WDPCP: variants seen among roughly 807,000 people sequenced by gnomAD.
WDPCP encodes the protein WD repeat-containing and planar cell polarity effector protein fritz homolog.
Under a neutral mutation model 93.1 loss-of-function variants are expected in WDPCP, and 71 were observed. The ratio of observed to expected loss-of-function variants is 0.76; its 90% CI spans 0.63 to 0.93. The LOEUF (loss-of-function observed/expected upper bound fraction) is 0.93. Among genes scored for constraint, WDPCP ranks in the 40% least tolerant of loss-of-function variants. The pLI is 0.00. For synonymous variants in WDPCP, 315 were observed against 315.0 expected (o/e 1.00, Z 0.00); for missense variants, 844 against 887.4 (o/e 0.95, Z 0.62).
At chr2:63,795,639 G>C (rs946908748) in intron 2 of WDPCP, among the ~76,000 whole-genome samples, 2 of 152,018 alleles carry the variant, frequency 1.3e-5, no homozygotes, top group Non-Finnish European at 1.5e-5. Context: ...AAAAACACTG[G>C]TGTGTACTGG....
chr2:63,369,090 T>C (rs1029491793), intron 12 of WDPCP: 2 of 197,460 alleles, frequency 1.0e-5, no homozygotes, highest in African/African-American at 4.6e-5. Context: ...CACTACATAG[T>C]AGAAAAAAAA....
At chr2:63,748,318 A>C (rs1282300240) in intron 2 of WDPCP, among the ~76,000 whole-genome samples, 1 of 151,878 alleles carries the variant, frequency 6.6e-6, no homozygotes, top group Non-Finnish European at 1.5e-5. Context: ...TTTGTTCCTA[A>C]TCTTAGATAA....
At chr2:63,383,142 A>C (rs939167680) in intron 10 of WDPCP, among the ~76,000 whole-genome samples, 2 of 152,134 alleles carry the variant, frequency 1.3e-5, no homozygotes, top group Non-Finnish European at 2.9e-5. Context: ...AAAATCTTAA[A>C]AGGCAACCAC....
intron 2 of WDPCP, among the ~76,000 whole-genome samples, chr2:63,672,040 T>C (rs778018471): frequency 1.1e-4 from 17 of 152,176 alleles, no homozygotes; most frequent in Non-Finnish European, 2.4e-4. Context: ...CAAATTCCAC[T>C]AGAAAGAAGT....
At chr2:63,630,329 A>C (rs1044798174) in intron 3 of WDPCP, among the ~76,000 whole-genome samples, 5 of 152,230 alleles carry the variant, frequency 3.3e-5, no homozygotes, top group Admixed American at 3.3e-4. Flanking sequence ...GCATCAGTTA[A>C]AAGACAGATT....
At chr2:63,531,067 C>A (rs186208510) in intron 1 of WDPCP, among the ~76,000 whole-genome samples, 1 of 152,256 alleles carries the variant, frequency 6.6e-6, no homozygotes, top group East Asian at 1.9e-4. Context: ...CCAGGTCCCA[C>A]GCCCACGGCG....
intron 2 of WDPCP, among the ~76,000 whole-genome samples, chr2:63,736,734 G>A (rs111680616): frequency 0.017 from 2,584 of 152,110 alleles, 24 homozygotes; most frequent in African/African-American, 0.019. Context: ...GTTTGATTTT[G>A]TAGGGATGTT....
chr2:63,383,235 AAACAAT>A (rs1692462225), intron 10 of WDPCP, among the ~76,000 whole-genome samples: 1 of 152,186 alleles, frequency 6.6e-6, no homozygotes, highest in African/African-American at 2.4e-5. Flanking sequence ...GTAATCCAGA[AAACAAT>A]AACAAGACAT....
intron 14 of WDPCP, among the ~76,000 whole-genome samples, chr2:63,193,835 T>C (rs1675219787): frequency 6.6e-6 from 1 of 152,332 alleles, no homozygotes; most frequent in Middle Eastern, 3.4e-3. Context: ...CCCAGGTTTA[T>C]TCATAAGGAA....
chr2:63,748,823 A>G (rs1025296582), intron 2 of WDPCP, among the ~76,000 whole-genome samples: 2 of 152,016 alleles, frequency 1.3e-5, no homozygotes, highest in Admixed American at 1.3e-4. Flanking sequence ...CATTTTACTT[A>G]GAGTTTCATT....
chr2:63,175,791 G>A (rs1013899045), intron 14 of WDPCP, among the ~76,000 whole-genome samples: 9 of 152,156 alleles, frequency 5.9e-5, no homozygotes, highest in Non-Finnish European at 1.0e-4. Context: ...TGAATAGTAA[G>A]CTGTTGTATG....
At chr2:63,208,392 A>G (rs1429184492) in intron 14 of WDPCP, among the ~76,000 whole-genome samples, 1 of 152,136 alleles carries the variant, frequency 6.6e-6, no homozygotes, top group South Asian at 2.1e-4. Context: ...TGTGTTCATC[A>G]TATAGAGAAA....
intron 1 of WDPCP, among the ~76,000 whole-genome samples, chr2:63,577,916 C>T (rs895874738): frequency 1.3e-5 from 2 of 152,092 alleles, no homozygotes; most frequent in Admixed American, 6.6e-5. Context: ...AACAAGAACA[C>T]ATGAACAAGT....
At chr2:63,237,615 A>G (rs1321853983) in intron 14 of WDPCP, among the ~76,000 whole-genome samples, 1 of 152,184 alleles carries the variant, frequency 6.6e-6, no homozygotes, top group Non-Finnish European at 1.5e-5. Flanking sequence ...AATGTGGTAC[A>G]TATACACCAT....
At chr2:63,541,735 A>G (rs1295397147) in intron 1 of WDPCP, among the ~76,000 whole-genome samples, 2 of 152,172 alleles carry the variant, frequency 1.3e-5, no homozygotes, top group Non-Finnish European at 2.9e-5. Context: ...CATCAAACTA[A>G]TAAGACCACA....
At chr2:63,259,695 T>C (rs1681455833) in intron 13 of WDPCP, among the ~76,000 whole-genome samples, 2 of 152,210 alleles carry the variant, frequency 1.3e-5, no homozygotes, top group South Asian at 4.1e-4. Flanking sequence ...GGAATAAAAA[T>C]GTTAATTGCT....
chr2:63,242,422 G>T (rs1679927298), intron 14 of WDPCP, among the ~76,000 whole-genome samples: 1 of 152,134 alleles, frequency 6.6e-6, no homozygotes, highest in African/African-American at 2.4e-5. Context: ...TATAAAAGAA[G>T]TTGTTTCTCC....
In WDPCP at chr2:63,174,784, A is replaced by G. The variant is rs1325954155; in HGVS notation, c.1964T>C (p.Ile655Thr). The G allele has an allele frequency of 2.5e-6, 4 of 1,613,884 alleles. No individual in the cohort carries two copies. Among genetic ancestry groups the G allele is most frequent in the East Asian group, 2.2e-5 (1 of 44,866 alleles). The change falls in exon 15 of 18, where the codon ATT (isoleucine) becomes ACT (threonine). Residue 655 changes from isoleucine to threonine, a missense_variant. Ile to Thr is a moderately conservative substitution (Grantham distance 89). Coordinates refer to ENST00000272321, the MANE Select transcript of WDPCP (RefSeq NM_015910.7). Reference sequence around the variant, plus strand: ...TCCTTGAGGTGCTAAAGACAGGCCAATAAATGCTTCATTTAGCATATCCCC... The same window carrying G: ...TCCTTGAGGTGCTAAAGACAGGCCAGTAAATGCTTCATTTAGCATATCCCC... ...DRGDMLNEAF[I>T]GLSLAPQGED...
chr2:63,429,349 A>C (rs183053553), intron 9 of WDPCP, among the ~76,000 whole-genome samples: 1 of 152,304 alleles, frequency 6.6e-6, no homozygotes, highest in East Asian at 1.9e-4. Flanking sequence ...GAGGGGCCTA[A>C]TTAAACTAAA....
Sources: gnomAD v4.1 joint callset for allele counts (sites outside exome capture counted in the v4.1 genomes callset) on GRCh38, gnomAD v4.1.1 for gene constraint, MANE v1.5 for transcripts, NCBI Gene and HGNC (gene_info 2026-07-23, HGNC 2026-07-21) for gene names.